The following CHL1 variants were observed in gnomAD, a reference collection of about 807,000 sequenced individuals.
CHL1 encodes the protein cell adhesion molecule L1 like.
A neutral mutation model predicts 141.9 loss-of-function variants in CHL1; 96 were observed. That is an observed-to-expected ratio of 0.68 (90% confidence interval 0.57 to 0.80). CHL1 has a LOEUF of 0.80. CHL1 is among the 30% of genes least tolerant of loss of function. The pLI is 0.00. For synonymous variants in CHL1, 613 were observed against 502.2 expected (o/e 1.22, Z -2.95); for missense variants, 1,820 against 1,457.2 (o/e 1.25, Z -4.05).
At chr3:263,559 C>T (rs574186780) in intron 2 of CHL1, among the ~76,000 whole-genome samples, 1 of 152,156 alleles carries the variant, frequency 6.6e-6, no homozygotes, top group Non-Finnish European at 1.5e-5. Flanking sequence ...TAAAATATCC[C>T]TCATTTCCAT....
chr3:302,917 G>A (rs1429012062), intron 2 of CHL1, among the ~76,000 whole-genome samples: 1 of 152,116 alleles, frequency 6.6e-6, no homozygotes, highest in Non-Finnish European at 1.5e-5. Flanking sequence ...GTTGATTTTT[G>A]TGTAAGGTGT....
intron 2 of CHL1, among the ~76,000 whole-genome samples, chr3:260,802 A>C (rs1055775376): frequency 1.3e-5 from 2 of 152,234 alleles, no homozygotes; most frequent in African/African-American, 4.8e-5. Context: ...AAAATAAGGG[A>C]GGAGAGCAAT....
chr3:326,107 G>C (rs1343083115), intron 4 of CHL1, 43 bp downstream of exon 4: 27 of 1,192,914 alleles, frequency 2.3e-5, no homozygotes, highest in Non-Finnish European at 3.0e-5. Context: ...AATGCGTGCT[G>C]TTCTTTATGC....
chr3:299,584 T>G (rs9310861), intron 2 of CHL1, among the ~76,000 whole-genome samples: 4,126 of 152,246 alleles, frequency 0.027, 197 homozygotes, highest in African/African-American at 0.094. Flanking sequence ...CATGACAGAT[T>G]AGGAGGATGT....
At chr3:333,039 G>C (rs1486221981) in intron 5 of CHL1, among the ~76,000 whole-genome samples, 1 of 150,612 alleles carries the variant, frequency 6.6e-6, no homozygotes, top group African/African-American at 2.4e-5. Context: ...ACAATATAAG[G>C]ATAATTCTGA....
At chr3:337,835 G>A (rs551219101) in intron 5 of CHL1, among the ~76,000 whole-genome samples, 184 of 152,272 alleles carry the variant, frequency 1.2e-3, no homozygotes, top group African/African-American at 3.7e-3. Flanking sequence ...ATAAACATAT[G>A]TGTGCATGTG....
intron 2 of CHL1, among the ~76,000 whole-genome samples, chr3:257,737 A>G (rs979169430): frequency 6.6e-6 from 1 of 152,124 alleles, no homozygotes; most frequent in African/African-American, 2.4e-5. Flanking sequence ...ATTTCAATTC[A>G]TGTATTTTTT....
intron 3 of CHL1, among the ~76,000 whole-genome samples, chr3:323,340 G>A (rs1296543692): frequency 6.6e-6 from 1 of 152,040 alleles, no homozygotes; most frequent in African/African-American, 2.4e-5. Flanking sequence ...TAGATCAGTG[G>A]CAATTCTAAC....
intron 24 of CHL1, among the ~76,000 whole-genome samples, chr3:395,128 G>A (rs1377087516): frequency 6.6e-6 from 1 of 152,180 alleles, no homozygotes; most frequent in African/African-American, 2.4e-5. Context: ...TACAAGGTCA[G>A]GAACTATAAT....
chr3:288,793 T>C lies in CHL1; in HGVS notation c.-94-30890T>C, dbSNP rs11920128. 6.4e-3 allele frequency among the ~76,000 whole-genome samples: 969 copies of C among 152,348 alleles called. 19 individuals carry two copies. The highest frequency in any genetic ancestry group is 0.022 in the African/African-American group (899 of 41,570). On this transcript the variant is annotated intron_variant, in intron 2 of 27. Coordinates refer to ENST00000256509, the MANE Select transcript of CHL1 (RefSeq NM_006614.4). ...AATCAGTGGGACCAGTAACACCATC[T>C]TTATATAGTGAAGACAGCTTATCAT...
chr3:249,000 A>C (rs1693435989), intron 2 of CHL1, among the ~76,000 whole-genome samples: 1 of 152,224 alleles, frequency 6.6e-6, no homozygotes, highest in Non-Finnish European at 1.5e-5. Flanking sequence ...GTGTTTCCTC[A>C]AGAAAATGCT....
At chr3:336,700 A>G (rs959047858) in intron 5 of CHL1, among the ~76,000 whole-genome samples, 2 of 152,228 alleles carry the variant, frequency 1.3e-5, no homozygotes, top group African/African-American at 4.8e-5. Context: ...TATCCTATAG[A>G]TATAAATTCT....
At chr3:297,206 A>G (rs1222877160) in intron 2 of CHL1, among the ~76,000 whole-genome samples, 1 of 152,130 alleles carries the variant, frequency 6.6e-6, no homozygotes, top group East Asian at 1.9e-4. Flanking sequence ...AACCTGTGTG[A>G]CAAAGTGAGA....
chr3:244,622 A>C lies in CHL1; in HGVS notation c.-165A>C, dbSNP rs1692986048. ...TCTAATCTATCCCTAGGTGCTGTAAACTGCAAACCATAATCCTGTCTTAAT... is the reference window on the plus strand; with the variant it reads ...TCTAATCTATCCCTAGGTGCTGTAACCTGCAAACCATAATCCTGTCTTAAT... On this transcript the variant is annotated 5_prime_UTR_variant, in exon 2 of 28. Transcript: ENST00000256509. 1 of 152,210 alleles carries C rather than the reference A, an allele frequency of 6.6e-6. No homozygotes were observed. 9.4% of individuals were successfully genotyped at this position (152,210 alleles called of 1,614,324 possible).
At chr3:250,218 G>A (rs1693562088) in intron 2 of CHL1, among the ~76,000 whole-genome samples, 2 of 152,022 alleles carry the variant, frequency 1.3e-5, no homozygotes, top group South Asian at 2.1e-4. Flanking sequence ...TCCTGCCTCA[G>A]CCTCCCAAAT....
At chr3:379,466 A>G (rs1317784788) in intron 16 of CHL1, among the ~76,000 whole-genome samples, 1 of 152,120 alleles carries the variant, frequency 6.6e-6, no homozygotes, top group Non-Finnish European at 1.5e-5. Context: ...CATCAGATAA[A>G]GTAGTCGAGC....
intron 19 of CHL1, among the ~76,000 whole-genome samples, chr3:388,126 T>C (rs527331202): frequency 6.6e-6 from 1 of 152,392 alleles, no homozygotes; most frequent in Non-Finnish European, 1.5e-5. Flanking sequence ...TATAACTGAT[T>C]CATTTCAATG....
intron 2 of CHL1, among the ~76,000 whole-genome samples, chr3:293,934 G>C (rs184694465): frequency 3.3e-5 from 5 of 149,426 alleles, no homozygotes; most frequent in African/African-American, 1.2e-4. Flanking sequence ...GCTAATTTTT[G>C]AATTTTTTTG....
intron 5 of CHL1, among the ~76,000 whole-genome samples, chr3:331,243 G>C (rs960832026): frequency 3.3e-5 from 5 of 150,256 alleles, no homozygotes; most frequent in Non-Finnish European, 5.9e-5. Flanking sequence ...GTTTGTTTTT[G>C]ACAGGAACTC....
Sources: gnomAD v4.1 joint callset for allele counts (sites outside exome capture counted in the v4.1 genomes callset) on GRCh38, gnomAD v4.1.1 for gene constraint, MANE v1.5 for transcripts, NCBI Gene and HGNC (gene_info 2026-07-23, HGNC 2026-07-21) for gene names.